The following EGFR variants were observed in gnomAD, a reference collection of about 807,000 sequenced individuals.
The protein encoded by EGFR is avian erythroblastic leukemia viral (v-erb-b) oncogene homolog.
A neutral mutation model predicts 143.0 loss-of-function variants in EGFR; 58 were observed. The observed-to-expected ratio is 0.41, with a 90% confidence interval of 0.33 to 0.50. The LOEUF is 0.50. EGFR is among the 20% of genes least tolerant of loss of function. EGFR has a pLI of 0.39. For synonymous variants in EGFR, 613 were observed against 594.4 expected (o/e 1.03, Z -0.45); for missense variants, 1,307 against 1,579.0 (o/e 0.83, Z 2.92).
chr7:55,146,799 C>A (rs2128929785), intron 4 of EGFR, 59 bp downstream of exon 4: 1 of 1,610,416 alleles, frequency 6.2e-7, no homozygotes, highest in Non-Finnish European at 8.5e-7. Context: ...AGCTCTACAG[C>A]ACTGGGGCAG....
At chr7:55,174,071 C>T (rs1233914536) in intron 18 of EGFR, 28 bp downstream of exon 18, 1 of 1,614,030 alleles carries the variant, frequency 6.2e-7, no homozygotes, top group South Asian at 1.1e-5. Context: ...GGCCTCTGGG[C>T]TGGGCCGCAG....
intron 15 of EGFR, chr7:55,168,371 G>A: frequency 1.5e-6 from 1 of 673,900 alleles, no homozygotes; most frequent in South Asian, 1.7e-5. Context: ...TGGGCTTAGG[G>A]GAGGTCCAGA....
At position 55,120,301 on chromosome 7, in the gene EGFR, G is replaced by A. The variant is rs1345168961; in HGVS notation, c.89-21985G>A. Among the ~76,000 whole-genome samples, 4 of 152,282 alleles carry A rather than the reference G, an allele frequency of 2.6e-5. No homozygotes were observed. In the South Asian group the frequency reaches 8.3e-4, roughly 32 times the overall value. Reference sequence around the variant, plus strand: ...GCCTACACGTGGAGGGCCCAAGAGGGCTAATATGTGACTATCTCCACTTCC... The same window carrying A: ...GCCTACACGTGGAGGGCCCAAGAGGACTAATATGTGACTATCTCCACTTCC... On this transcript the variant is annotated intron_variant, in intron 1 of 27. Coordinates refer to ENST00000275493, the MANE Select transcript of EGFR (RefSeq NM_005228.5).
intron 10 of EGFR, among the ~76,000 whole-genome samples, chr7:55,157,459 G>T (rs1244468629): frequency 6.6e-6 from 1 of 152,234 alleles, no homozygotes; most frequent in Non-Finnish European, 1.5e-5. Flanking sequence ...AGCGGAAGGC[G>T]GGAGGCAGCT....
intron 1 of EGFR, among the ~76,000 whole-genome samples, chr7:55,061,649 T>TGAGAGAGAGAGA (rs1174312198): frequency 4.5e-5 from 6 of 132,734 alleles, no homozygotes; most frequent in South Asian, 2.4e-4. Context: ...TGTGTGTGTG[T>TGAGAGAGAGAGA]GAGAGAGAGA....
intron 1 of EGFR, among the ~76,000 whole-genome samples, chr7:55,038,885 G>T (rs1305259882): frequency 6.6e-6 from 1 of 151,752 alleles, no homozygotes; most frequent in Admixed American, 6.6e-5. Flanking sequence ...TTCCCTGCCG[G>T]CAGGTGCTCT....
chr7:55,052,350 G>A (rs777169288), intron 1 of EGFR, among the ~76,000 whole-genome samples: 1 of 152,220 alleles, frequency 6.6e-6, no homozygotes, highest in Non-Finnish European at 1.5e-5. Flanking sequence ...GGGTTCTCAG[G>A]AGATGATGCA....
intron 1 of EGFR, among the ~76,000 whole-genome samples, chr7:55,087,589 A>G (rs763172828): frequency 6.6e-6 from 1 of 152,210 alleles, no homozygotes; most frequent in Non-Finnish European, 1.5e-5. Flanking sequence ...GGTTCCTCCT[A>G]GAATCATTAA....
At chr7:55,185,872 C>T (rs374248391) in intron 20 of EGFR, among the ~76,000 whole-genome samples, 6 of 152,210 alleles carry the variant, frequency 3.9e-5, no homozygotes, top group East Asian at 3.9e-4. Context: ...TCAAAGAAAA[C>T]GTCAAAGGCT....
chr7:55,153,396 T>A (rs1785253892), intron 6 of EGFR, among the ~76,000 whole-genome samples: 1 of 152,192 alleles, frequency 6.6e-6, no homozygotes. Flanking sequence ...GACGAAGCCC[T>A]TCCTAAGACT....
chr7:55,026,879 A>AG (rs35091605), intron 1 of EGFR, among the ~76,000 whole-genome samples: 16 of 151,118 alleles, frequency 1.1e-4, no homozygotes. Context: ...AAAAAAAAAA[A>AG]GGGAAAAAAA....
chr7:55,171,346 C>T, intron 16 of EGFR, 133 bp downstream of exon 16: 2 of 1,309,180 alleles, frequency 1.5e-6, no homozygotes, highest in South Asian at 1.2e-5. Context: ...CCAGCCTACC[C>T]TCAGCCAGGG....
intron 1 of EGFR, among the ~76,000 whole-genome samples, chr7:55,140,900 G>T (rs999402888): frequency 9.2e-5 from 14 of 152,214 alleles, no homozygotes; most frequent in Non-Finnish European, 2.1e-4. Context: ...TAAGTGCTTT[G>T]GGTTGGTTAT....
At chr7:55,199,131 T>A (rs1787742726) in intron 23 of EGFR, among the ~76,000 whole-genome samples, 1 of 152,186 alleles carries the variant, frequency 6.6e-6, no homozygotes. Flanking sequence ...ACCAAAATAT[T>A]CTATTCGCTG....
At chr7:55,197,955 G>A (rs1447880069) in intron 22 of EGFR, among the ~76,000 whole-genome samples, 3 of 152,130 alleles carry the variant, frequency 2.0e-5, no homozygotes, top group African/African-American at 7.2e-5. Context: ...TTGGCCTGAA[G>A]TTTTCTTTTT....
chr7:55,022,889 G>A (rs1786657848), intron 1 of EGFR, among the ~76,000 whole-genome samples: 1 of 152,222 alleles, frequency 6.6e-6, no homozygotes, highest in African/African-American at 2.4e-5. Flanking sequence ...AACATGTTCT[G>A]AAATGTTTTT....
At chr7:55,200,186 C>A (rs1584269486) in intron 23 of EGFR, 130 bp from the exon 24 acceptor site, 1 of 923,992 alleles carries the variant, frequency 1.1e-6, no homozygotes, top group East Asian at 2.4e-5. Context: ...AAGTCTACCA[C>A]AAAGACTTGG....
chr7:55,043,213 A>G (rs1787999716), intron 1 of EGFR, among the ~76,000 whole-genome samples: 1 of 152,204 alleles, frequency 6.6e-6, no homozygotes, highest in Non-Finnish European at 1.5e-5. Context: ...CGGAATGTTA[A>G]GGTCTAAACC....
chr7:55,173,097 G>T lies in EGFR; in HGVS notation c.2034G>T (p.Thr678=), dbSNP rs780214453. 9.9e-6 allele frequency: 16 copies of T among 1,611,736 alleles called. No homozygotes were observed. In the South Asian group the frequency reaches 1.3e-4, roughly 13 times the overall value. The change falls in exon 17 of 28, where the codon ACG becomes ACT. Residue 678 remains threonine (T), a synonymous_variant. Transcript: ENST00000275493. ...GGCGCCACATCGTTCGGAAGCGCAC[G>T]CTGCGGAGGCTGCTGCAGGAGAGGG... ...MRRRHIVRKR[T]LRRLLQEREL... is the part of the protein sequence containing the mutation.
Sources: allele counts gnomAD v4.1 joint callset (sites outside exome capture counted in the v4.1 genomes callset), GRCh38; gene constraint gnomAD v4.1.1; transcripts MANE v1.5; gene names NCBI Gene and HGNC (gene_info 2026-07-23, HGNC 2026-07-21).